CSMD1: variants seen among roughly 807,000 people sequenced by gnomAD.
CSMD1 encodes CUB and sushi domain-containing protein 1.
Under a neutral mutation model 417.5 loss-of-function variants are expected in CSMD1, and 213 were observed. The ratio of observed to expected loss-of-function variants is 0.51; its 90% confidence interval spans 0.46 to 0.57. CSMD1 has a LOEUF of 0.57. Ranked by LOEUF, CSMD1 falls within the 20% of genes least tolerant of loss-of-function variation. The pLI is 0.00. For synonymous variants in CSMD1, 2,862 were observed against 1,736.8 expected, an observed-to-expected ratio of 1.65 and a Z score of -16.11; for missense variants, 6,923 against 4,529.7, an observed-to-expected ratio of 1.53 and a Z score of -15.17.
At chr8:3,940,566 G>A (rs1239937702) in intron 5 of CSMD1, among the ~76,000 whole-genome samples, 1 of 143,948 alleles carries the variant, frequency 6.9e-6, no homozygotes, top group Middle Eastern at 3.6e-3. Flanking sequence ...TCTTTGTGTG[G>A]ATATAGGTAT....
chr8:4,458,436 TAA>T (rs1799617585), intron 2 of CSMD1, among the ~76,000 whole-genome samples: 1 of 152,202 alleles, frequency 6.6e-6, no homozygotes, highest in Non-Finnish European at 1.5e-5. Context: ...AGTTGGTTTC[TAA>T]AACAGTCTGA....
At chr8:3,727,283 C>A (rs1006884424) in intron 6 of CSMD1, among the ~76,000 whole-genome samples, 1 of 152,144 alleles carries the variant, frequency 6.6e-6, no homozygotes, top group African/African-American at 2.4e-5. Flanking sequence ...ATACACATAC[C>A]TTTGAGGCAG....
At chr8:3,245,300 G>A (rs373312360) in intron 26 of CSMD1, among the ~76,000 whole-genome samples, 3 of 152,166 alleles carry the variant, frequency 2.0e-5, no homozygotes, top group Non-Finnish European at 1.5e-5. Context: ...AGTTCCTTCC[G>A]GTACCTGGGT....
At chr8:4,467,287 A>T (rs1456068394) in intron 2 of CSMD1, among the ~76,000 whole-genome samples, 2 of 152,196 alleles carry the variant, frequency 1.3e-5, no homozygotes, top group South Asian at 4.1e-4. Context: ...AAACCAATTC[A>T]TGGCAAGGAA....
intron 2 of CSMD1, among the ~76,000 whole-genome samples, chr8:4,600,282 G>A (rs769169385): frequency 4.6e-5 from 7 of 152,098 alleles, no homozygotes; most frequent in Non-Finnish European, 8.8e-5. Context: ...CTTCCAGGTT[G>A]ACCTTAGGTA....
chr8:3,355,471 A>C (rs1808717227), intron 21 of CSMD1, among the ~76,000 whole-genome samples: 1 of 152,196 alleles, frequency 6.6e-6, no homozygotes, highest in South Asian at 2.1e-4. Context: ...TAAATGTGCT[A>C]AGCCAATCAC....
At position 4,405,590 on chromosome 8, in the gene CSMD1, T is replaced by C. The variant is rs141431079; in HGVS notation, c.415+14363A>G. 9.8e-5 allele frequency among the ~76,000 whole-genome samples: 15 copies of C among 152,310 alleles called. No individual in the cohort carries two copies. In the East Asian group the frequency reaches 1.9e-3, roughly 20 times the overall value. On this transcript the variant is annotated intron_variant, in intron 3 of 69. Transcript: ENST00000635120. ...GAAATACACTATACAAAACGTGAGTTTGTTTGTTGACAATCAAAAAAGAAA... is the reference window on the plus strand; with the variant it reads ...GAAATACACTATACAAAACGTGAGTCTGTTTGTTGACAATCAAAAAAGAAA...
intron 3 of CSMD1, among the ~76,000 whole-genome samples, chr8:4,223,696 C>G (rs11985817): frequency 2.7e-4 from 41 of 152,246 alleles, no homozygotes; most frequent in African/African-American, 8.9e-4. Context: ...CTTCCAGAGC[C>G]TGAATATTTT....
At chr8:4,445,533 T>G (rs1489216507) in intron 2 of CSMD1, among the ~76,000 whole-genome samples, 1 of 152,212 alleles carries the variant, frequency 6.6e-6, no homozygotes, top group African/African-American at 2.4e-5. Context: ...TGTTTTCATT[T>G]GGGTAGCTTG....
At chr8:4,532,890 A>AC (rs367709578) in intron 2 of CSMD1, among the ~76,000 whole-genome samples, 19 of 149,178 alleles carry the variant, frequency 1.3e-4, no homozygotes, top group Admixed American at 1.3e-3. Context: ...GAAATCCTGC[A>AC]CCCCCATTCA....
chr8:4,415,052 G>T (rs755538733), intron 3 of CSMD1, among the ~76,000 whole-genome samples: 2 of 152,158 alleles, frequency 1.3e-5, no homozygotes, highest in South Asian at 2.1e-4. Context: ...TCATAGTCCA[G>T]TGAAAGTAAT....
chr8:4,724,511 T>C (rs1250315726), intron 1 of CSMD1, among the ~76,000 whole-genome samples: 1 of 35,416 alleles, frequency 2.8e-5, no homozygotes, highest in Non-Finnish European at 9.1e-5. Context: ...AGTAGCTCTT[T>C]ATATATATAT....
chr8:3,485,170 C>A (rs999670757), intron 11 of CSMD1, among the ~76,000 whole-genome samples: 1 of 152,184 alleles, frequency 6.6e-6, no homozygotes, highest in African/African-American at 2.4e-5. Flanking sequence ...AGGTGTCCAT[C>A]TGTGGGTGAA....
intron 3 of CSMD1, among the ~76,000 whole-genome samples, chr8:4,156,786 G>A (rs549479872): frequency 4.6e-5 from 7 of 152,232 alleles, no homozygotes; most frequent in Non-Finnish European, 1.0e-4. Flanking sequence ...CTTTTGGGAA[G>A]GGCCCAAATT....
At chr8:4,795,557 C>A (rs548909582) in intron 1 of CSMD1, among the ~76,000 whole-genome samples, 2 of 151,992 alleles carry the variant, frequency 1.3e-5, no homozygotes, top group South Asian at 2.1e-4. Context: ...CCACCGCACC[C>A]GGCCAGCTTT....
At chr8:4,248,983 TAAAC>T (rs1270952789) in intron 3 of CSMD1, among the ~76,000 whole-genome samples, 1 of 152,168 alleles carries the variant, frequency 6.6e-6, no homozygotes, top group Non-Finnish European at 1.5e-5. Context: ...ATTCAAAACA[TAAAC>T]AAACACTAGA....
chr8:3,200,926 T>C (rs1325792624), intron 32 of CSMD1, among the ~76,000 whole-genome samples: 2 of 152,206 alleles, frequency 1.3e-5, no homozygotes, highest in Non-Finnish European at 2.9e-5. Flanking sequence ...TAGTAAATGA[T>C]GAAAATGTAT....
intron 6 of CSMD1, among the ~76,000 whole-genome samples, chr8:3,748,211 T>G (rs906559301): frequency 2.0e-5 from 3 of 152,232 alleles, no homozygotes; most frequent in African/African-American, 7.2e-5. Context: ...GAAAAGTGGT[T>G]ACGTGTTTCT....
chr8:3,307,958 G>A (rs1805013576), intron 24 of CSMD1, 137 bp from the exon 25 acceptor site: 1 of 956,820 alleles, frequency 1.0e-6, no homozygotes, highest in African/African-American at 1.6e-5. Context: ...TCTCTCTCCT[G>A]ACCGTTTCAA....
Sources: allele counts gnomAD v4.1 joint callset (sites outside exome capture counted in the v4.1 genomes callset), GRCh38; gene constraint gnomAD v4.1.1; transcripts MANE v1.5; gene names NCBI Gene and HGNC (gene_info 2026-07-23, HGNC 2026-07-21).